PTPRD: variants seen among roughly 807,000 people sequenced by gnomAD.
PTPRD encodes the protein receptor-type tyrosine-protein phosphatase delta.
In PTPRD, 34 loss-of-function variants were observed where a neutral mutation model predicts 214.5. The ratio of observed to expected loss-of-function variants is 0.16; its 90% CI spans 0.12 to 0.21. PTPRD has a LOEUF of 0.21. Among genes scored for constraint, PTPRD ranks in the 10% least tolerant of loss-of-function variants. PTPRD has a pLI of 1.00. For missense variants in PTPRD, 2,545 were observed against 2,398.7 expected (o/e 1.06, Z -1.27); for synonymous variants, 1,128 against 845.7 (o/e 1.33, Z -5.79).
chr9:9,252,043 A>C (rs939981173), intron 9 of PTPRD, among the ~76,000 whole-genome samples: 1 of 151,864 alleles, frequency 6.6e-6, no homozygotes, highest in Non-Finnish European at 1.5e-5. Context: ...CGGCAGCTAC[A>C]TTTGCCACGG....
chr9:8,428,548 C>T (rs568826247), intron 35 of PTPRD, among the ~76,000 whole-genome samples: 1 of 152,206 alleles, frequency 6.6e-6, no homozygotes, highest in Non-Finnish European at 1.5e-5. Context: ...AGAGTCTATT[C>T]CACTCTTCCA....
At chr9:8,699,943 G>A (rs2154394009) in intron 12 of PTPRD, among the ~76,000 whole-genome samples, 1 of 152,202 alleles carries the variant, frequency 6.6e-6, no homozygotes, top group Non-Finnish European at 1.5e-5. Context: ...TTTTTTCTCT[G>A]TGTATTTTCA....
At chr9:9,093,542 C>T (rs2099779266) in intron 10 of PTPRD, among the ~76,000 whole-genome samples, 1 of 151,626 alleles carries the variant, frequency 6.6e-6, no homozygotes, top group Non-Finnish European at 1.5e-5. Context: ...AGAAAATTCC[C>T]CAATATCTGG....
chr9:10,165,123 C>G (rs548952513), intron 3 of PTPRD, among the ~76,000 whole-genome samples: 214 of 151,770 alleles, frequency 1.4e-3, no homozygotes, highest in African/African-American at 5.0e-3. Context: ...CACAGTTCAG[C>G]AATCTCGATG....
intron 8 of PTPRD, among the ~76,000 whole-genome samples, chr9:9,507,659 A>C (rs750434303): frequency 9.2e-5 from 14 of 151,620 alleles, no homozygotes; most frequent in Admixed American, 4.0e-4. Context: ...AACTAAAAAT[A>C]ATTATCATTA....
At position 8,986,126 on chromosome 9, in the gene PTPRD, G is replaced by C. The variant is rs1161271579; in HGVS notation, c.-104+32571C>G. Among the ~76,000 whole-genome samples, 3 of 152,004 alleles carry C rather than the reference G, an allele frequency of 2.0e-5. No individual in the cohort carries two copies. In the East Asian group the frequency reaches 5.8e-4, roughly 29 times the overall value. On this transcript the variant is annotated intron_variant, in intron 11 of 45. Transcript: ENST00000381196. ...GTGTGCAGTAATACCAACCTTCAGTGCAAGCTCTGCACTTAAACTAGATTT... is the reference window on the plus strand; with the variant it reads ...GTGTGCAGTAATACCAACCTTCAGTCCAAGCTCTGCACTTAAACTAGATTT...
intron 8 of PTPRD, among the ~76,000 whole-genome samples, chr9:9,410,342 C>T (rs1018576598): frequency 4.6e-5 from 7 of 152,094 alleles, no homozygotes; most frequent in African/African-American, 1.7e-4. Context: ...GAAATGTATA[C>T]CAAAAATAAA....
At chr9:10,551,013 G>C (rs1020205593) in intron 2 of PTPRD, among the ~76,000 whole-genome samples, 1 of 152,082 alleles carries the variant, frequency 6.6e-6, no homozygotes, top group Non-Finnish European at 1.5e-5. Context: ...TAATAGCATG[G>C]AGACTTTGAC....
At chr9:10,085,390 T>C (rs191139755) in intron 3 of PTPRD, among the ~76,000 whole-genome samples, 2 of 151,840 alleles carry the variant, frequency 1.3e-5, no homozygotes, top group Non-Finnish European at 2.9e-5. Flanking sequence ...TTATAACTGC[T>C]GGAGATATTT....
intron 6 of PTPRD, among the ~76,000 whole-genome samples, chr9:9,765,220 T>C (rs1052573380): frequency 6.6e-6 from 1 of 152,198 alleles, no homozygotes; most frequent in Middle Eastern, 3.2e-3. Context: ...CAGAAAATTA[T>C]TAACATACGC....
At chr9:8,807,076 C>T (rs12380773) in intron 11 of PTPRD, among the ~76,000 whole-genome samples, 2 of 152,136 alleles carry the variant, frequency 1.3e-5, no homozygotes, top group East Asian at 3.9e-4. Context: ...GTGGCTCATG[C>T]TTGTAATCCT....
intron 10 of PTPRD, among the ~76,000 whole-genome samples, chr9:9,045,075 G>A (rs1307441082): frequency 6.6e-6 from 1 of 152,144 alleles, no homozygotes; most frequent in African/African-American, 2.4e-5. Context: ...AAACATGATT[G>A]TCATTTCCAA....
At position 8,482,545 on chromosome 9, in the gene PTPRD, A is replaced by G. The variant is rs868696812; in HGVS notation, c.3413+1574T>C. ...TCACCTAAACTTGAGGGTGTGAGAT[A>G]GAAGAAATGAGAAAGGATTTATTCT... On this transcript the variant is annotated intron_variant, in intron 30 of 45. Transcript: ENST00000381196. Among the ~76,000 whole-genome samples, 14 of 152,248 alleles carry G rather than the reference A, an allele frequency of 9.2e-5. No individual in the cohort carries two copies. In the Middle Eastern group the frequency reaches 0.01, roughly 111 times the overall value.
At chr9:9,065,880 C>A (rs1278092523) in intron 10 of PTPRD, among the ~76,000 whole-genome samples, 1 of 152,074 alleles carries the variant, frequency 6.6e-6, no homozygotes, top group African/African-American at 2.4e-5. Context: ...TCTCAGTTGT[C>A]TTATTTGCTA....
intron 4 of PTPRD, among the ~76,000 whole-genome samples, chr9:9,981,391 G>A (rs1185559422): frequency 1.5e-5 from 2 of 136,608 alleles, no homozygotes; most frequent in East Asian, 4.2e-4. Flanking sequence ...GTCTCACTCT[G>A]TCGCCCAGGC....
At chr9:10,311,009 A>C (rs1039651800) in intron 3 of PTPRD, among the ~76,000 whole-genome samples, 5 of 152,114 alleles carry the variant, frequency 3.3e-5, no homozygotes, top group East Asian at 1.9e-4. Context: ...TGCAAACTTC[A>C]TTTGGCCAGT....
Position 10,371,070 on chromosome 9 carries a change from A to G in PTPRD, c.-599-30053T>C, listed in dbSNP as rs142921449. 2.8e-3 allele frequency among the ~76,000 whole-genome samples: 431 copies of G among 152,122 alleles called. 2 individuals are homozygous for G. The highest frequency in any genetic ancestry group is 9.7e-3 in the African/African-American group (401 of 41,526). On this transcript the variant is annotated intron_variant, in intron 2 of 45. Transcript: ENST00000381196. ...AGCATTAGTTTCCCTATCCAACCAA[A>G]TTTGTGCTTCTCAGTGATCATATTT...
At chr9:9,094,404 T>C (rs968740031) in intron 10 of PTPRD, among the ~76,000 whole-genome samples, 3 of 152,220 alleles carry the variant, frequency 2.0e-5, no homozygotes, top group Non-Finnish European at 2.9e-5. Flanking sequence ...TTATTCTAAG[T>C]GAAATAATTC....
intron 9 of PTPRD, among the ~76,000 whole-genome samples, chr9:9,290,502 G>GT (rs573076542): frequency 6.6e-6 from 1 of 151,444 alleles, no homozygotes; most frequent in Non-Finnish European, 1.5e-5. Flanking sequence ...ATGTCAAGGA[G>GT]TTTTTTCCCT....
Sources: gnomAD v4.1 joint callset for allele counts (sites outside exome capture counted in the v4.1 genomes callset) on GRCh38, gnomAD v4.1.1 for gene constraint, MANE v1.5 for transcripts, NCBI Gene and HGNC (gene_info 2026-07-23, HGNC 2026-07-21) for gene names.